Variants in MMP16 observed in about 807,000 individuals in gnomAD.
The protein encoded by MMP16 is matrix metallopeptidase 16, also known as matrix metalloproteinase-16.
MMP16 carries 12 observed loss-of-function variants against 67.8 expected under a neutral mutation model. The ratio of observed to expected loss-of-function variants is 0.18; its 90% confidence interval spans 0.11 to 0.29. The LOEUF is 0.29. Ranked by LOEUF, MMP16 falls within the 10% of genes least tolerant of loss-of-function variation. The pLI, the probability that MMP16 is intolerant of heterozygous loss-of-function variation, is 1.00. For synonymous variants in MMP16, 249 were observed against 255.9 expected (o/e 0.97, Z 0.26); for missense variants, 475 against 765.7 (o/e 0.62, Z 4.48).
intron 3 of MMP16, among the ~76,000 whole-genome samples, chr8:88,174,533 C>T (rs1206191230): frequency 6.6e-6 from 1 of 152,176 alleles, no homozygotes; most frequent in Admixed American, 6.5e-5. Context: ...TAAGTGAATA[C>T]ATTTTTGGTT....
At chr8:88,054,645 CA>C (rs1808309494) in intron 8 of MMP16, among the ~76,000 whole-genome samples, 1 of 152,064 alleles carries the variant, frequency 6.6e-6, no homozygotes. Context: ...AATCTATGAG[CA>C]TTTTGCTATG....
chr8:88,145,940 C>G (rs1808282903), intron 4 of MMP16, among the ~76,000 whole-genome samples: 1 of 152,018 alleles, frequency 6.6e-6, no homozygotes, highest in African/African-American at 2.4e-5. Flanking sequence ...AGGAACATCT[C>G]TCTTCCTACC....
intron 4 of MMP16, among the ~76,000 whole-genome samples, chr8:88,164,398 G>T (rs1413396474): frequency 6.6e-6 from 1 of 152,002 alleles, no homozygotes; most frequent in Admixed American, 6.6e-5. Context: ...TAGAATCGAG[G>T]ATGTACAAAT....
In MMP16 at chr8:88,167,839, C is replaced by T. The variant is rs770249742; in HGVS notation, c.539G>A (p.Arg180His). ...AAAAATAATGGTTATATCCACATCA[C>T]GTTTGCCATTTTCTAATTCACTGTA... ...VPYSELENGK[R>H]DVDITIIFAS... Residue 180 changes from arginine (R) to histidine (H), a missense_variant, in exon 4 of 10, where the codon CGT becomes CAT. By Grantham distance (29) the Arg-to-His change is conservative. This residue lies in a region of MMP16 where 170 missense variants were observed against 239.6 expected (regional missense o/e 0.71). Transcript: ENST00000286614. 1.9e-6 allele frequency: 3 copies of T among 1,614,028 alleles called. No homozygotes were observed. Among genetic ancestry groups the T allele is most frequent in the Non-Finnish European group, 1.7e-6 (2 of 1,179,956 alleles).
chr8:88,053,677 G>A lies in MMP16; in HGVS notation c.1373+2451C>T, dbSNP rs551280208. ...TTTTGTTTCAGATAGAGAGTTTAATGTCTTTTCCGTCTAAGTTTTAAATCT... is the reference window on the plus strand; with the variant it reads ...TTTTGTTTCAGATAGAGAGTTTAATATCTTTTCCGTCTAAGTTTTAAATCT... On this transcript the variant is annotated intron_variant, in intron 8 of 9. Coordinates refer to ENST00000286614, the MANE Select transcript of MMP16 (RefSeq NM_005941.5). Among the ~76,000 whole-genome samples, 3 of 152,228 alleles carry A rather than the reference G, an allele frequency of 2.0e-5. No homozygotes were observed. The South Asian group carries it at 6.2e-4, about 32-fold the overall frequency.
chr8:88,274,008 T>C (rs1810606659), intron 1 of MMP16, among the ~76,000 whole-genome samples: 1 of 152,078 alleles, frequency 6.6e-6, no homozygotes, highest in Non-Finnish European at 1.5e-5. Flanking sequence ...ATTGCTAACG[T>C]TTATTGACTT....
At chr8:88,176,598 G>GT (rs1319470160) in intron 3 of MMP16, among the ~76,000 whole-genome samples, 4 of 152,170 alleles carry the variant, frequency 2.6e-5, no homozygotes, top group Non-Finnish European at 5.9e-5. Context: ...ATGGTAAGGG[G>GT]TAGGTATGAA....
chr8:88,072,195 T>A (rs1808568713), intron 7 of MMP16, among the ~76,000 whole-genome samples: 1 of 152,002 alleles, frequency 6.6e-6, no homozygotes, highest in Non-Finnish European at 1.5e-5. Context: ...TGATAAGGGC[T>A]ATAAAGAGAG....
chr8:88,049,829 G>A (rs1354436938), intron 8 of MMP16, among the ~76,000 whole-genome samples: 3 of 152,082 alleles, frequency 2.0e-5, no homozygotes, highest in Non-Finnish European at 4.4e-5. Context: ...TTTGAGAACA[G>A]CCTAGGCAAC....
At chr8:88,322,672 TA>T (rs1288685657) in intron 1 of MMP16, among the ~76,000 whole-genome samples, 72 of 146,388 alleles carry the variant, frequency 4.9e-4, no homozygotes, top group Non-Finnish European at 5.0e-4. Context: ...CAATGAAAAT[TA>T]AAAAAAAAAA....
chr8:88,259,894 C>T lies in MMP16; in HGVS notation c.133-62588G>A, dbSNP rs762362259. ...CTGACTTGAAGATGGATTCCCTAAG[C>T]GTTCAGTCTGGTAAACTGGTGTGAA... On this transcript the variant is annotated intron_variant, in intron 1 of 9. Coordinates refer to ENST00000286614, the MANE Select transcript of MMP16 (RefSeq NM_005941.5). Among the ~76,000 whole-genome samples, 68 of 152,256 alleles carry T rather than the reference C, an allele frequency of 4.5e-4. 1 individual carries two copies. The highest frequency in any genetic ancestry group is 6.8e-3 in the Middle Eastern group (2 of 294).
intron 3 of MMP16, among the ~76,000 whole-genome samples, chr8:88,176,887 G>A (rs1322772693): frequency 1.3e-5 from 2 of 152,094 alleles, no homozygotes; most frequent in Non-Finnish European, 2.9e-5. Context: ...GGCCTTCACT[G>A]TTCCTCAGAG....
chr8:88,131,268 T>TACAC lies in MMP16; in HGVS notation c.710-12411_710-12408dup, dbSNP rs111863181. ...CTGAGTATGACTATCTATAGTATTA[T>TACAC]ACACACACACACACACACACACACA... On this transcript the variant is annotated intron_variant, in intron 4 of 9. Coordinates refer to ENST00000286614, the MANE Select transcript of MMP16 (RefSeq NM_005941.5). Among the ~76,000 whole-genome samples, 1,390 of 146,930 alleles carry TACAC rather than the reference T, an allele frequency of 9.5e-3. 11 individuals are homozygous for TACAC. Among genetic ancestry groups the TACAC allele is most frequent in the Middle Eastern group, 0.02 (6 of 294 alleles).
At chr8:88,050,007 A>G (rs1184397424) in intron 8 of MMP16, among the ~76,000 whole-genome samples, 1 of 152,156 alleles carries the variant, frequency 6.6e-6, no homozygotes, top group Non-Finnish European at 1.5e-5. Flanking sequence ...CAAGGGCAAC[A>G]GAATGAGACC....
intron 1 of MMP16, among the ~76,000 whole-genome samples, chr8:88,231,962 G>T (rs1358860153): frequency 2.6e-5 from 4 of 152,032 alleles, no homozygotes; most frequent in South Asian, 2.1e-4. Flanking sequence ...TAACATGATC[G>T]AGTGCTAATG....
At position 88,056,268 on chromosome 8, in the gene MMP16, A is replaced by G. The variant is rs774357153; in HGVS notation, c.1233T>C (p.Tyr411=). ...GAAGAGTTGTATCCTTGAACACCCA[A>G]TATTTGTTACCTGTATGGAATAAGT... ...GNFVFFKGNK[Y]WVFKDTTLQP... is the part of the protein sequence containing the mutation. The change falls in exon 8 of 10, where the codon TAT becomes TAC. Residue 411 remains tyrosine, a synonymous_variant. Transcript: ENST00000286614. 1 of 1,556,118 alleles carries G rather than the reference A, an allele frequency of 6.4e-7. No individual in the cohort carries two copies.
At chr8:88,209,581 T>G (rs1809481571) in intron 1 of MMP16, among the ~76,000 whole-genome samples, 1 of 87,034 alleles carries the variant, frequency 1.1e-5, no homozygotes, top group Non-Finnish European at 2.5e-5. Context: ...CCTGAATTGT[T>G]CAAAGGTAAA....
chr8:88,056,504 T>C (rs548425785), intron 7 of MMP16, among the ~76,000 whole-genome samples: 3 of 151,792 alleles, frequency 2.0e-5, no homozygotes, highest in African/African-American at 7.2e-5. Context: ...ACTTTATTAA[T>C]ATAATAATAT....
rs962170642 is a variant in MMP16, at chr8:88,157,709, A to G, written c.709+9960T>C. On this transcript the variant is annotated intron_variant, in intron 4 of 9. Transcript: ENST00000286614. Reference sequence around the variant, plus strand: ...TATTATACTTTAAGTTCTAGGGTACATGTGCACAATGTGCAGGTTTGTTAC... The same window carrying G: ...TATTATACTTTAAGTTCTAGGGTACGTGTGCACAATGTGCAGGTTTGTTAC... Among the ~76,000 whole-genome samples, 3 of 152,076 alleles carry G rather than the reference A, an allele frequency of 2.0e-5. No homozygotes were observed. In the East Asian group the frequency reaches 5.8e-4, roughly 29 times the overall value.
Sources: gnomAD v4.1 joint callset for allele counts (sites outside exome capture counted in the v4.1 genomes callset) on GRCh38, gnomAD v4.1.1 for gene constraint, gnomAD v4.1.1 regional missense constraint, MANE v1.5 for transcripts, NCBI Gene and HGNC (gene_info 2026-07-23, HGNC 2026-07-21) for gene names.